The following EML6 variants were observed in gnomAD, a reference collection of about 807,000 sequenced individuals.
EML6 encodes EMAP like 6.
EML6 carries 154 observed loss-of-function variants against 240.1 expected under a neutral mutation model. That is an observed-to-expected ratio of 0.64 (90% confidence interval 0.56 to 0.73). The LOEUF is 0.73. Ranked by LOEUF, EML6 falls within the 30% of genes least tolerant of loss-of-function variation. The pLI, the probability that EML6 is intolerant of heterozygous loss-of-function variation, is 0.00. For missense variants in EML6, 2,964 were observed against 2,474.6 expected, an observed-to-expected ratio of 1.20 and a Z score of -4.20; for synonymous variants, 1,148 against 899.0, an observed-to-expected ratio of 1.28 and a Z score of -4.95.
intron 39 of EML6, among the ~76,000 whole-genome samples, chr2:54,967,782 G>C (rs945189114): frequency 2.0e-5 from 3 of 152,160 alleles, no homozygotes; most frequent in African/African-American, 7.2e-5. Context: ...ACCAGGTAGG[G>C]GGTGGGGTTT....
chr2:54,850,159 A>C lies in EML6; in HGVS notation c.1385A>C (p.Asp462Ala). 1 of 1,551,532 alleles carries C rather than the reference A, an allele frequency of 6.4e-7. No homozygotes were observed. The highest frequency in any genetic ancestry group is 8.7e-7 in the Non-Finnish European group (1 of 1,146,736). ...SFITHIDWSL[D>A]SKYLQTNDGA... ...ATCACGCATATTGACTGGTCCTTGG[A>C]TAGTAAATACTTACAAACTAATGAC... Residue 462 changes from aspartate to alanine, a missense_variant, in exon 10 of 42, where the codon GAT (aspartate) becomes GCT (alanine). Asp to Ala is a moderately radical substitution (Grantham distance 126, BLOSUM62 -2). Transcript: ENST00000356458.
intron 26 of EML6, among the ~76,000 whole-genome samples, chr2:54,927,249 G>A (rs1286774406): frequency 6.6e-6 from 1 of 152,200 alleles, no homozygotes; most frequent in Non-Finnish European, 1.5e-5. Flanking sequence ...CTAGTAGTTG[G>A]CCAAATACAG....
intron 2 of EML6, among the ~76,000 whole-genome samples, chr2:54,755,297 C>G (rs1273868130): frequency 6.6e-6 from 1 of 152,196 alleles, no homozygotes; most frequent in Non-Finnish European, 1.5e-5. Flanking sequence ...AATATAACCT[C>G]TCTGACTTTG....
At chr2:54,839,150 G>A (rs1352356097) in intron 7 of EML6, among the ~76,000 whole-genome samples, 4 of 152,200 alleles carry the variant, frequency 2.6e-5, no homozygotes, top group African/African-American at 9.6e-5. Context: ...ATAGACAGGA[G>A]AAGGGAATTA....
intron 28 of EML6, among the ~76,000 whole-genome samples, chr2:54,930,534 A>T (rs1674800241): frequency 6.6e-6 from 1 of 152,090 alleles, no homozygotes; most frequent in Admixed American, 6.5e-5. Context: ...TTTTTTATCA[A>T]AAGGAAAAAG....
At chr2:54,898,488 G>A (rs1472489930) in intron 21 of EML6, among the ~76,000 whole-genome samples, 4 of 152,098 alleles carry the variant, frequency 2.6e-5, no homozygotes, top group Admixed American at 6.5e-5. Flanking sequence ...CTAGAAAACC[G>A]GGGATGTAGG....
rs1414893701 is a variant in EML6, at chr2:54,816,848, G to C, written c.419G>C (p.Gly140Ala). The change falls in exon 4 of 42, where the codon GGA becomes GCA. Residue 140 changes from glycine to alanine, a missense_variant. Gly to Ala is a moderately conservative substitution (Grantham distance 60). Coordinates refer to ENST00000356458, the MANE Select transcript of EML6 (RefSeq NM_001039753.4). ...GTCTGCATTTGGGACTGGAGGAAGG[G>C]AAAACTTCTGGCGTCAGCCACCGGC... ...NTVCIWDWRK[G>A]KLLASATGHS... 6.4e-7 allele frequency: 1 copy of C among 1,551,500 alleles called. No homozygotes were observed. Among genetic ancestry groups the C allele is most frequent in the Non-Finnish European group, 8.7e-7 (1 of 1,146,840 alleles).
chr2:54,969,667 C>T (rs746696729), intron 41 of EML6, among the ~76,000 whole-genome samples: 1 of 152,190 alleles, frequency 6.6e-6, no homozygotes, highest in African/African-American at 2.4e-5. Flanking sequence ...CTTAACCGTG[C>T]AGGGCTTGCA....
chr2:54,797,960 T>C (rs1438568045), intron 2 of EML6, among the ~76,000 whole-genome samples: 1 of 152,158 alleles, frequency 6.6e-6, no homozygotes, highest in East Asian at 1.9e-4. Flanking sequence ...GGTTTTAGTT[T>C]TTTAAAAAAC....
chr2:54,932,843 C>A (rs532543864), intron 28 of EML6, among the ~76,000 whole-genome samples: 1 of 152,142 alleles, frequency 6.6e-6, no homozygotes, highest in Admixed American at 6.5e-5. Context: ...TAAGAATTTT[C>A]TTTTCACGTT....
intron 17 of EML6, among the ~76,000 whole-genome samples, chr2:54,886,715 G>T (rs1672165738): frequency 6.6e-6 from 1 of 152,134 alleles, no homozygotes; most frequent in Non-Finnish European, 1.5e-5. Flanking sequence ...TTCCTGTGCT[G>T]ACTGGGTATA....
At chr2:54,775,324 T>G (rs1374625699) in intron 2 of EML6, among the ~76,000 whole-genome samples, 1 of 152,240 alleles carries the variant, frequency 6.6e-6, no homozygotes, top group African/African-American at 2.4e-5. Flanking sequence ...CCAGCCATTT[T>G]GCTCTAGCCA....
At chr2:54,902,619 G>C (rs1382836532) in intron 22 of EML6, among the ~76,000 whole-genome samples, 3 of 152,180 alleles carry the variant, frequency 2.0e-5, no homozygotes, top group African/African-American at 7.2e-5. Context: ...GGCTGGTCTT[G>C]AACTCCAGGG....
intron 21 of EML6, among the ~76,000 whole-genome samples, chr2:54,899,313 C>T (rs1672935883): frequency 6.6e-6 from 1 of 152,060 alleles, no homozygotes; most frequent in Admixed American, 6.6e-5. Context: ...TAGTATGAAA[C>T]AACAGAAAAG....
At chr2:54,840,318 G>A (rs138584575) in intron 7 of EML6, among the ~76,000 whole-genome samples, 239 of 152,310 alleles carry the variant, frequency 1.6e-3, no homozygotes, top group African/African-American at 5.5e-3. Context: ...ATTATAAAAG[G>A]ACTATGATCT....
chr2:54,903,511 T>G lies in EML6; in HGVS notation c.3409+9T>G, dbSNP rs1009168295. 2 of 1,536,686 alleles carry G rather than the reference T, an allele frequency of 1.3e-6. No homozygotes were observed. The highest frequency in any genetic ancestry group is 3.4e-4 in the Middle Eastern group (2 of 5,928). On this transcript the variant is annotated intron_variant, in intron 24 of 41. Transcript: ENST00000356458. ...TGACTGGGACTCTAGAGGTAAAGTATGTTGTGGCTTTTAAAATAGAATTTC... is the reference window on the plus strand; with the variant it reads ...TGACTGGGACTCTAGAGGTAAAGTAGGTTGTGGCTTTTAAAATAGAATTTC...
chr2:54,800,925 C>G (rs752090624), intron 2 of EML6, among the ~76,000 whole-genome samples: 1 of 152,102 alleles, frequency 6.6e-6, no homozygotes, highest in Non-Finnish European at 1.5e-5. Flanking sequence ...ATGGCAGACT[C>G]CAATTTCATT....
intron 15 of EML6, among the ~76,000 whole-genome samples, chr2:54,870,312 T>C (rs181320009): frequency 6.7e-5 from 10 of 149,664 alleles, no homozygotes; most frequent in Non-Finnish European, 1.1e-4. Flanking sequence ...AAAGGATCCA[T>C]AGCTTTTAAA....
chr2:54,770,191 G>T (rs1376182894), intron 2 of EML6, among the ~76,000 whole-genome samples: 1 of 152,208 alleles, frequency 6.6e-6, no homozygotes, highest in Non-Finnish European at 1.5e-5. Context: ...TGTAGAGCTT[G>T]TTCAGTGTTG....
Sources: allele counts gnomAD v4.1 joint callset (sites outside exome capture counted in the v4.1 genomes callset), GRCh38; gene constraint gnomAD v4.1.1; transcripts MANE v1.5; gene names NCBI Gene and HGNC (gene_info 2026-07-23, HGNC 2026-07-21).